Variants in TCF7L1 observed in about 807,000 individuals in gnomAD.
TCF7L1 encodes transcription factor 7 like 1.
Under a neutral mutation model 63.7 loss-of-function variants are expected in TCF7L1, and 18 were observed. The ratio of observed to expected loss-of-function variants is 0.28; its 90% CI spans 0.20 to 0.42. The LOEUF (loss-of-function observed/expected upper bound fraction) is 0.42. TCF7L1 is among the 10% of genes least tolerant of loss of function. The pLI, the probability that TCF7L1 is intolerant of heterozygous loss-of-function variation, is 1.00. For missense variants in TCF7L1, 654 were observed against 779.3 expected, an observed-to-expected ratio of 0.84 and a Z score of 1.91; for synonymous variants, 355 against 340.9, an observed-to-expected ratio of 1.04 and a Z score of -0.46.
intron 3 of TCF7L1, among the ~76,000 whole-genome samples, chr2:85,240,163 A>G (rs1294011463): frequency 6.6e-6 from 1 of 152,138 alleles, no homozygotes; most frequent in African/African-American, 2.4e-5. Context: ...AGGGCTCCAT[A>G]GCCACATGTG....
intron 3 of TCF7L1, among the ~76,000 whole-genome samples, chr2:85,140,241 C>T (rs1029304965): frequency 3.3e-5 from 5 of 152,070 alleles, no homozygotes; most frequent in African/African-American, 9.7e-5. Flanking sequence ...AATATTTTGG[C>T]GATGACAGAG....
intron 3 of TCF7L1, among the ~76,000 whole-genome samples, chr2:85,221,581 A>C (rs917239616): frequency 1.3e-5 from 2 of 152,208 alleles, no homozygotes; most frequent in Non-Finnish European, 1.5e-5. Context: ...CTGTGTGTGC[A>C]CAAGACGGCA....
At chr2:85,261,014 A>G (rs1231759740) in intron 3 of TCF7L1, among the ~76,000 whole-genome samples, 1 of 152,070 alleles carries the variant, frequency 6.6e-6, no homozygotes, top group Non-Finnish European at 1.5e-5. Flanking sequence ...CCTGCCAAGA[A>G]CCTGTCTGCC....
In TCF7L1 at chr2:85,173,007, C is replaced by T. The variant is rs913405021; in HGVS notation, c.441+38557C>T. Among the ~76,000 whole-genome samples the T allele has an allele frequency of 9.2e-5, 14 of 152,336 alleles. No individual in the cohort carries two copies. The South Asian group carries it at 1.4e-3, about 16-fold the overall frequency. Reference sequence around the variant, plus strand: ...CAGCACCCGGACAGTGTCAGCACACCGGAGGTGCCCAAGAAACGTTTCTAA... The same window carrying T: ...CAGCACCCGGACAGTGTCAGCACACTGGAGGTGCCCAAGAAACGTTTCTAA... On this transcript the variant is annotated intron_variant, in intron 3 of 11. Transcript: ENST00000282111.
chr2:85,246,998 T>C (rs552240851), intron 3 of TCF7L1, among the ~76,000 whole-genome samples: 1 of 152,324 alleles, frequency 6.6e-6, no homozygotes, highest in Non-Finnish European at 1.5e-5. Context: ...AGCAGCTCTT[T>C]CCTTCATAAC....
chr2:85,308,251 T>C (rs1447983954), intron 11 of TCF7L1, among the ~76,000 whole-genome samples: 1 of 152,094 alleles, frequency 6.6e-6, no homozygotes, highest in Non-Finnish European at 1.5e-5. Flanking sequence ...ACGATTATTA[T>C]TAATATTTAG....
At chr2:85,164,990 C>A (rs1452844127) in intron 3 of TCF7L1, among the ~76,000 whole-genome samples, 1 of 152,164 alleles carries the variant, frequency 6.6e-6, no homozygotes, top group Admixed American at 6.5e-5. Context: ...TTGATAACTG[C>A]ATTTTACTGT....
chr2:85,195,769 A>G (rs1679141417), intron 3 of TCF7L1, among the ~76,000 whole-genome samples: 1 of 152,066 alleles, frequency 6.6e-6, no homozygotes, highest in Non-Finnish European at 1.5e-5. Flanking sequence ...CTGGTCTCAT[A>G]ATCCTGGGCT....
chr2:85,277,935 G>A (rs996134208), intron 3 of TCF7L1, among the ~76,000 whole-genome samples: 4 of 152,152 alleles, frequency 2.6e-5, no homozygotes, highest in African/African-American at 9.7e-5. Flanking sequence ...CGGCTGGGGC[G>A]GGGCCCTCCC....
rs577238436 is a variant in TCF7L1 at position 85,263,890 on chromosome 2, G to A, written c.442-19605G>A. On this transcript the variant is annotated intron_variant, in intron 3 of 11. Transcript: ENST00000282111. ...TAAGTGGAAAACCAGCCGAAAGGGT[G>A]CCCCAGAAGCTGAGGGGCCTCTTAG... Among the ~76,000 whole-genome samples, 7 of 152,338 alleles carry A rather than the reference G, an allele frequency of 4.6e-5. No homozygotes were observed. In the East Asian group the frequency reaches 1.3e-3, roughly 29 times the overall value.
At chr2:85,166,481 G>A (rs1418374045) in intron 3 of TCF7L1, among the ~76,000 whole-genome samples, 1 of 152,232 alleles carries the variant, frequency 6.6e-6, no homozygotes, top group African/African-American at 2.4e-5. Flanking sequence ...GGAATAAATA[G>A]AGATGCCCTG....
intron 3 of TCF7L1, among the ~76,000 whole-genome samples, chr2:85,264,474 T>A (rs902233112): frequency 3.3e-5 from 5 of 152,072 alleles, no homozygotes; most frequent in Non-Finnish European, 7.4e-5. Context: ...AACTGGGGGC[T>A]CAGGAAGGAA....
intron 3 of TCF7L1, among the ~76,000 whole-genome samples, chr2:85,137,815 C>T (rs979913961): frequency 6.6e-6 from 1 of 151,596 alleles, no homozygotes; most frequent in Admixed American, 6.6e-5. Flanking sequence ...ATCTCTTAAA[C>T]CCGGGAGGCA....
intron 3 of TCF7L1, among the ~76,000 whole-genome samples, chr2:85,184,419 A>G (rs996401777): frequency 1.3e-5 from 2 of 152,130 alleles, no homozygotes; most frequent in African/African-American, 4.8e-5. Flanking sequence ...GGGGAAGGTA[A>G]CCCGGAAGCA....
chr2:85,214,276 A>G (rs12619496), intron 3 of TCF7L1, among the ~76,000 whole-genome samples: 28,293 of 152,198 alleles, frequency 0.19, 3,768 homozygotes, highest in East Asian at 0.62. Context: ...TTACCGGGTG[A>G]TGCTCGAAGA....
In TCF7L1 at chr2:85,306,129, G is replaced by A. The variant is rs151161792; in HGVS notation, c.990-77G>A. 635 of 1,576,364 alleles carry A rather than the reference G, an allele frequency of 4.0e-4. 2 individuals are homozygous for A. In the African/African-American group the frequency reaches 7.5e-3, roughly 19 times the overall value. On this transcript the variant is annotated intron_variant, in intron 8 of 11. Coordinates refer to ENST00000282111, the MANE Select transcript of TCF7L1 (RefSeq NM_031283.3). The surrounding 1 kb of genome is among the most constrained non-coding windows in gnomAD (Gnocchi z 4.3). Reference sequence around the variant, plus strand: ...GCGCCCCTCCCCAGAGACAATCAGCGGTGTTTCAGTGACAGGTGGGGATTG... The same window carrying A: ...GCGCCCCTCCCCAGAGACAATCAGCAGTGTTTCAGTGACAGGTGGGGATTG...
At chr2:85,277,636 T>C (rs1681306293) in intron 3 of TCF7L1, among the ~76,000 whole-genome samples, 2 of 152,218 alleles carry the variant, frequency 1.3e-5, no homozygotes, top group African/African-American at 4.8e-5. Flanking sequence ...ACCATGGGGC[T>C]GGAGCAAGGG....
At chr2:85,176,364 A>G (rs1453230865) in intron 3 of TCF7L1, among the ~76,000 whole-genome samples, 1 of 152,124 alleles carries the variant, frequency 6.6e-6, no homozygotes, top group African/African-American at 2.4e-5. Context: ...ATTATTTAAT[A>G]CCCTCTTCCC....
intron 3 of TCF7L1, among the ~76,000 whole-genome samples, chr2:85,152,354 G>A (rs1678036295): frequency 6.6e-6 from 1 of 152,048 alleles, no homozygotes; most frequent in Non-Finnish European, 1.5e-5. Flanking sequence ...GTAGCGACTA[G>A]AGGTAGAATA....
Sources: allele counts gnomAD v4.1 joint callset (sites outside exome capture counted in the v4.1 genomes callset), GRCh38; gene constraint gnomAD v4.1.1; non-coding constraint Gnocchi (gnomAD v3.1); transcripts MANE v1.5; gene names NCBI Gene and HGNC (gene_info 2026-07-23, HGNC 2026-07-21).